The following AAK1 variants were observed in gnomAD, a reference collection of about 807,000 sequenced individuals.
AAK1 encodes the protein AP2-associated protein kinase 1.
A neutral mutation model predicts 116.0 loss-of-function variants in AAK1; 37 were observed. That is an observed-to-expected ratio of 0.32 (90% CI 0.25 to 0.42). The LOEUF is 0.42. Among genes scored for constraint, AAK1 ranks in the 10% least tolerant of loss-of-function variants. AAK1 has a pLI of 1.00. For missense variants in AAK1, 919 were observed against 1,170.6 expected (o/e 0.79, Z 3.14); for synonymous variants, 458 against 439.9 (o/e 1.04, Z -0.51).
chr2:69,542,444 C>T, intron 5 of AAK1, 79 bp downstream of exon 5: 1 of 1,524,448 alleles, frequency 6.6e-7, no homozygotes, highest in Non-Finnish European at 9.0e-7. Context: ...CTCTCATATC[C>T]CCACAGTATC....
chr2:69,628,683 T>C (rs894298939), intron 2 of AAK1, among the ~76,000 whole-genome samples: 1 of 152,170 alleles, frequency 6.6e-6, no homozygotes, highest in African/African-American at 2.4e-5. Context: ...TTATACTGAT[T>C]CTAACACTAT....
chr2:69,587,153 C>A (rs1672802876), intron 2 of AAK1, among the ~76,000 whole-genome samples: 1 of 151,218 alleles, frequency 6.6e-6, no homozygotes, highest in African/African-American at 2.4e-5. Flanking sequence ...GGCATGCTGA[C>A]AGCTCGCTGC....
intron 20 of AAK1, chr2:69,478,724 G>A (rs899105118): frequency 4.8e-6 from 2 of 412,870 alleles, no homozygotes; most frequent in African/African-American, 4.1e-5. Context: ...AAAGTGCTGG[G>A]ATTGCAGGCC....
intron 18 of AAK1, 107 bp from the exon 19 acceptor site, chr2:69,481,068 T>C (rs917109266): frequency 1.0e-6 from 1 of 973,340 alleles, no homozygotes; most frequent in African/African-American, 1.7e-5. Context: ...TTCTCATTTT[T>C]TGAGATGGTG....
rs116268261 is a variant in AAK1 at position 69,617,736 on chromosome 2, C to T, written c.163+25142G>A. Among the ~76,000 whole-genome samples the T allele has an allele frequency of 5.2e-3, 786 of 152,302 alleles. 8 individuals are homozygous for T. The highest frequency in any genetic ancestry group is 0.018 in the African/African-American group (746 of 41,560). On this transcript the variant is annotated intron_variant, in intron 2 of 21. Transcript: ENST00000409085. ...AAGTGAACAGACATTCCCAGCAGCA[C>T]GCTGTGCCTGCTCCTGTGAAGGGAT... is the stretch of plus-strand genomic sequence containing the variant.
intron 2 of AAK1, among the ~76,000 whole-genome samples, chr2:69,642,560 G>A (rs970115972): frequency 6.6e-6 from 1 of 151,750 alleles, no homozygotes; most frequent in African/African-American, 2.4e-5. Context: ...CCATCACCCT[G>A]CCTTTGGCAT....
chr2:69,630,053 C>T (rs986862020), intron 2 of AAK1, among the ~76,000 whole-genome samples: 3 of 152,060 alleles, frequency 2.0e-5, no homozygotes, highest in African/African-American at 4.8e-5. Flanking sequence ...ACTAAATCCA[C>T]GGTACAAAGA....
At chr2:69,493,157 T>G in intron 17 of AAK1, among the ~76,000 whole-genome samples, 1 of 21,894 alleles carries the variant, frequency 4.6e-5, no homozygotes, top group African/African-American at 2.6e-4. Flanking sequence ...AGACTCCGTC[T>G]CAAAAAAAAA....
chr2:69,564,173 C>G (rs193024161), intron 2 of AAK1, among the ~76,000 whole-genome samples: 7 of 150,636 alleles, frequency 4.6e-5, no homozygotes, highest in Non-Finnish European at 7.4e-5. Flanking sequence ...GCCTGAGTGA[C>G]AGAGTGAGAC....
At chr2:69,484,854 G>A (rs1371423405) in intron 17 of AAK1, among the ~76,000 whole-genome samples, 3 of 148,900 alleles carry the variant, frequency 2.0e-5, no homozygotes, top group East Asian at 2.0e-4. Flanking sequence ...CAGCCTGGGT[G>A]ACAGAGTGAG....
At chr2:69,562,952 T>A (rs1671708025) in intron 2 of AAK1, among the ~76,000 whole-genome samples, 1 of 152,082 alleles carries the variant, frequency 6.6e-6, no homozygotes, top group African/African-American at 2.4e-5. Flanking sequence ...GTAGTCTAGG[T>A]ACTCGGGAGG....
intron 3 of AAK1, among the ~76,000 whole-genome samples, chr2:69,555,285 G>T (rs1464121508): frequency 6.6e-6 from 1 of 152,364 alleles, no homozygotes; most frequent in East Asian, 1.9e-4. Flanking sequence ...GGTCTTGACT[G>T]TATGTATATG....
intron 5 of AAK1, among the ~76,000 whole-genome samples, chr2:69,535,847 G>A (rs1004959711): frequency 3.3e-5 from 5 of 152,190 alleles, no homozygotes; most frequent in Admixed American, 2.6e-4. Context: ...GGAAAGGGGA[G>A]ACAAGACAAT....
At position 69,468,942 on chromosome 2, in the gene AAK1, A is replaced by T; in HGVS notation, c.*6927T>A. On this transcript the variant is annotated 3_prime_UTR_variant, in exon 22 of 22. Transcript: ENST00000409085. ...TCATGATGAGTACTGGGAAAATCAG[A>T]CTTAAAATTCCAACAACTTTGAATA... The T allele has an allele frequency of 1.0e-6, 1 of 985,434 alleles. No individual in the cohort carries two copies. 61.0% of individuals were successfully genotyped at this position (985,434 alleles called of 1,614,324 possible).
At chr2:69,490,324 T>C (rs541953664) in intron 17 of AAK1, among the ~76,000 whole-genome samples, 4 of 152,232 alleles carry the variant, frequency 2.6e-5, no homozygotes, top group East Asian at 1.9e-4. Flanking sequence ...CCCAAGAGAA[T>C]TGAAAGCAGG....
At position 69,471,275 on chromosome 2, in the gene AAK1, C is replaced by A; in HGVS notation, c.*4594G>T. 2 of 985,370 alleles carry A rather than the reference C, an allele frequency of 2.0e-6. No individual in the cohort carries two copies. Among genetic ancestry groups the A allele is most frequent in the Non-Finnish European group, 2.4e-6 (2 of 829,922 alleles). The allele number at this position is 985,370 out of a possible 1,614,324, so 61.0% of individuals were successfully genotyped here. A position where few individuals can be genotyped will look rare whatever the true frequency, so the allele number is the denominator to read the frequency against. On this transcript the variant is annotated 3_prime_UTR_variant, in exon 22 of 22. Coordinates refer to ENST00000409085, the MANE Select transcript of AAK1 (RefSeq NM_014911.5). ...GCATAGGTTAGCATTACCCAAGGAG[C>A]CTCCCTATCCCGTATTAGTGAAAGG...
chr2:69,527,816 C>T (rs1016832364), intron 8 of AAK1, among the ~76,000 whole-genome samples: 1 of 152,198 alleles, frequency 6.6e-6, no homozygotes, highest in Non-Finnish European at 1.5e-5. Context: ...ATCTACTTTT[C>T]CTGTGACCTA....
At chr2:69,530,915 C>A (rs1244145679) in intron 6 of AAK1, among the ~76,000 whole-genome samples, 1 of 152,162 alleles carries the variant, frequency 6.6e-6, no homozygotes, top group Admixed American at 6.5e-5. Flanking sequence ...AGCAGTCCTC[C>A]TAGTCTAAGA....
intron 20 of AAK1, among the ~76,000 whole-genome samples, chr2:69,477,870 T>G (rs1315728617): frequency 6.6e-6 from 1 of 152,204 alleles, no homozygotes; most frequent in African/African-American, 2.4e-5. Context: ...TGAAGGGACT[T>G]AAGCTCTTTC....
Sources: gnomAD v4.1 joint callset for allele counts (sites outside exome capture counted in the v4.1 genomes callset) on GRCh38, gnomAD v4.1.1 for gene constraint, MANE v1.5 for transcripts, NCBI Gene and HGNC (gene_info 2026-07-23, HGNC 2026-07-21) for gene names.